EIPR1: variants seen among roughly 807,000 people sequenced by gnomAD.
EIPR1 encodes EARP and GARP complex-interacting protein 1.
A neutral mutation model predicts 48.1 loss-of-function variants in EIPR1; 25 were observed. That is an observed-to-expected ratio of 0.52 (90% CI 0.38 to 0.73). EIPR1 has a LOEUF of 0.73. Ranked by LOEUF, EIPR1 falls within the 30% of genes least tolerant of loss-of-function variation. EIPR1 has a pLI of 0.00. For synonymous variants in EIPR1, 204 were observed against 201.9 expected (o/e 1.01, Z -0.09); for missense variants, 415 against 506.2 (o/e 0.82, Z 1.73).
intron 3 of EIPR1, among the ~76,000 whole-genome samples, chr2:3,337,166 C>T (rs1014600516): frequency 5.9e-5 from 9 of 152,000 alleles, no homozygotes; most frequent in Admixed American, 3.9e-4. Flanking sequence ...GGAAGGGAAA[C>T]ACACACAGAA....
chr2:3,263,803 A>G (rs1667407267), intron 3 of EIPR1, among the ~76,000 whole-genome samples: 1 of 152,186 alleles, frequency 6.6e-6, no homozygotes, highest in Non-Finnish European at 1.5e-5. Flanking sequence ...CAGTATTTCC[A>G]GATGGCTCTG....
chr2:3,261,111 C>T (rs117449694), intron 3 of EIPR1, among the ~76,000 whole-genome samples: 3 of 152,120 alleles, frequency 2.0e-5, no homozygotes, highest in South Asian at 2.1e-4. Context: ...GGTCGGGTGA[C>T]GGTATGTAAC....
intron 3 of EIPR1, among the ~76,000 whole-genome samples, chr2:3,318,011 T>C (rs1669364876): frequency 6.6e-6 from 1 of 152,226 alleles, no homozygotes; most frequent in South Asian, 2.1e-4. Context: ...CCTAACGGGA[T>C]GCACAGCACT....
intron 3 of EIPR1, among the ~76,000 whole-genome samples, chr2:3,334,888 C>T (rs1047264493): frequency 2.6e-5 from 4 of 152,192 alleles, no homozygotes; most frequent in Admixed American, 1.3e-4. Flanking sequence ...CTGGAAGCCA[C>T]GACTGGAAAT....
intron 1 of EIPR1, among the ~76,000 whole-genome samples, chr2:3,355,889 G>A (rs950973245): frequency 4.0e-4 from 61 of 151,988 alleles, no homozygotes; most frequent in African/African-American, 1.4e-3. Context: ...AAAACCACAT[G>A]ATCAAAAACC....
At chr2:3,309,921 G>GC (rs1669071163) in intron 3 of EIPR1, among the ~76,000 whole-genome samples, 2 of 152,102 alleles carry the variant, frequency 1.3e-5, no homozygotes, top group South Asian at 4.1e-4. Flanking sequence ...CTCTGGCAGC[G>GC]CCCCTGTGTA....
intron 3 of EIPR1, among the ~76,000 whole-genome samples, chr2:3,330,200 A>G (rs1469762784): frequency 6.6e-6 from 1 of 152,276 alleles, no homozygotes; most frequent in African/African-American, 2.4e-5. Flanking sequence ...CTCAATACGT[A>G]TAACCTCAGC....
chr2:3,242,741 T>C (rs577055799), intron 4 of EIPR1, among the ~76,000 whole-genome samples: 1 of 152,378 alleles, frequency 6.6e-6, no homozygotes, highest in Admixed American at 6.5e-5. Flanking sequence ...ATGTCATTGC[T>C]TACCAGTTGA....
rs75500815 is a variant in EIPR1, at chr2:3,358,690, A to C, written c.43-4057T>G. Reference sequence around the variant, plus strand: ...GTCACAGAGCCTCTGACGCTATCCAATTTAAACAGCTCTGGCTTGGAGAAA... The same window carrying C: ...GTCACAGAGCCTCTGACGCTATCCACTTTAAACAGCTCTGGCTTGGAGAAA... On this transcript the variant is annotated intron_variant, in intron 1 of 8. Coordinates refer to ENST00000382125, the MANE Select transcript of EIPR1 (RefSeq NM_003310.5). Among the ~76,000 whole-genome samples the C allele has an allele frequency of 8.7e-3, 1,330 of 152,300 alleles. 127 individuals carry two copies. The East Asian group carries it at 0.2, about 23-fold the overall frequency.
intron 4 of EIPR1, among the ~76,000 whole-genome samples, chr2:3,221,978 A>T (rs1197212714): frequency 6.6e-6 from 1 of 152,044 alleles, no homozygotes; most frequent in Non-Finnish European, 1.5e-5. Context: ...TTGTTTCCCA[A>T]ATCCCCTCGC....
intron 4 of EIPR1, among the ~76,000 whole-genome samples, chr2:3,255,928 T>C (rs1238143665): frequency 6.6e-6 from 1 of 152,186 alleles, no homozygotes; most frequent in Non-Finnish European, 1.5e-5. Context: ...TCATTTGAAA[T>C]GTGGAACTCC....
chr2:3,336,405 A>G (rs1361638950), intron 3 of EIPR1, among the ~76,000 whole-genome samples: 2 of 152,186 alleles, frequency 1.3e-5, no homozygotes, highest in Non-Finnish European at 2.9e-5. Context: ...ACACTCAGCC[A>G]CATGCCATGC....
intron 3 of EIPR1, among the ~76,000 whole-genome samples, chr2:3,264,938 G>C (rs1667442149): frequency 6.6e-6 from 1 of 152,126 alleles, no homozygotes; most frequent in South Asian, 2.1e-4. Flanking sequence ...GCCCTCCTCA[G>C]CCTCCCAAAG....
At chr2:3,339,686 C>A (rs1375811386) in intron 2 of EIPR1, among the ~76,000 whole-genome samples, 1 of 151,866 alleles carries the variant, frequency 6.6e-6, no homozygotes, top group Non-Finnish European at 1.5e-5. Context: ...CGGTGGCTCA[C>A]GCCTGTAATT....
chr2:3,307,652 C>T (rs1026998881), intron 3 of EIPR1, among the ~76,000 whole-genome samples: 5 of 152,156 alleles, frequency 3.3e-5, no homozygotes, highest in Non-Finnish European at 5.9e-5. Flanking sequence ...ACGCACTTCT[C>T]CTGGAGGGAG....
chr2:3,337,869 A>G (rs575496557), intron 3 of EIPR1, 148 bp downstream of exon 3: 9 of 802,842 alleles, frequency 1.1e-5, no homozygotes, highest in South Asian at 8.0e-5. Context: ...TCTACTCACA[A>G]TATCATGGCT....
intron 2 of EIPR1, among the ~76,000 whole-genome samples, chr2:3,344,927 T>C (rs1432399776): frequency 6.6e-6 from 1 of 152,118 alleles, no homozygotes; most frequent in African/African-American, 2.4e-5. Flanking sequence ...CCCCATACAA[T>C]AACCAGCATT....
At chr2:3,313,452 G>A (rs1010169562) in intron 3 of EIPR1, among the ~76,000 whole-genome samples, 1 of 152,144 alleles carries the variant, frequency 6.6e-6, no homozygotes, top group Non-Finnish European at 1.5e-5. Context: ...GTGGCTTGGG[G>A]CCAGCTCACA....
intron 2 of EIPR1, among the ~76,000 whole-genome samples, chr2:3,350,703 CAG>C (rs745314311): frequency 3.9e-5 from 6 of 152,056 alleles, no homozygotes; most frequent in Non-Finnish European, 8.8e-5. Flanking sequence ...TTACCAGAAA[CAG>C]AAAGACAAAA....
Sources: allele counts gnomAD v4.1 joint callset (sites outside exome capture counted in the v4.1 genomes callset), GRCh38; gene constraint gnomAD v4.1.1; transcripts MANE v1.5; gene names NCBI Gene and HGNC (gene_info 2026-07-23, HGNC 2026-07-21).